RAB33B: variants seen among roughly 807,000 people sequenced by gnomAD.
The protein encoded by RAB33B is RAB33B, member RAS oncogene family, also known as ras-related protein Rab-33B.
RAB33B carries 6 observed loss-of-function variants against 15.0 expected under a neutral mutation model. The ratio of observed to expected loss-of-function variants is 0.40; its 90% confidence interval spans 0.22 to 0.79. RAB33B has a LOEUF of 0.79. Among genes scored for constraint, RAB33B ranks in the 30% least tolerant of loss-of-function variants. RAB33B has a pLI of 0.37. For missense variants in RAB33B, 257 were observed against 296.4 expected, an observed-to-expected ratio of 0.87 and a Z score of 0.98; for synonymous variants, 117 against 108.3, an observed-to-expected ratio of 1.08 and a Z score of -0.50.
Position 139,476,271 on chromosome 4 carries a change from GAA to G in RAB33B, c.*3148_*3149del, listed in dbSNP as rs1750500214. 1 of 152,200 alleles carries G rather than the reference GAA, an allele frequency of 6.6e-6. No individual in the cohort carries two copies. Among genetic ancestry groups the G allele is most frequent in the Non-Finnish European group, 1.5e-5 (1 of 68,052 alleles). 9.4% of individuals were successfully genotyped at this position (152,200 alleles called of 1,614,324 possible). The stretch of plus-strand genomic sequence containing the variant: ...GAATGAATAACTATAGAAAGTATGA[GAA>G]AAGAGAACGAACTACGTCTCAGGTA... On this transcript the variant is annotated 3_prime_UTR_variant, in exon 2 of 2. Transcript: ENST00000305626.
At position 139,472,734 on chromosome 4, in the gene RAB33B, G is replaced by GTGA; in HGVS notation, c.299_300insGAT (p.Val100_Gln101insIle). 1 of 1,613,164 alleles carries GTGA rather than the reference G, an allele frequency of 6.2e-7. No individual in the cohort carries two copies. Among genetic ancestry groups the GTGA allele is most frequent in the East Asian group, 2.2e-5 (1 of 44,852 alleles). The stretch of plus-strand genomic sequence containing the variant: ...ACAAGAACGATTCAGAAAGAGCATG[G>GTGA]TTCAGCACTACTACAGAAATGTACA... On this transcript the variant is annotated inframe_insertion, in exon 2 of 2. Transcript: ENST00000305626.
intron 1 of RAB33B, among the ~76,000 whole-genome samples, chr4:139,460,274 A>G (rs1369056499): frequency 6.6e-6 from 1 of 152,236 alleles, no homozygotes; most frequent in African/African-American, 2.4e-5. Flanking sequence ...TCAAATGGAA[A>G]TACTGATTGG....
Position 139,473,174 on chromosome 4 carries a change from T to G in RAB33B, c.*48T>G. ...CTAATTTTGACTAAAGAAATACTTT[T>G]GAAGTATGACAGTATTAAGTCATAA... On this transcript the variant is annotated 3_prime_UTR_variant, in exon 2 of 2. Coordinates refer to ENST00000305626, the MANE Select transcript of RAB33B (RefSeq NM_031296.3). 6.9e-7 allele frequency: 1 copy of G among 1,457,554 alleles called. No homozygotes were observed. The highest frequency in any genetic ancestry group is 2.4e-5 in the East Asian group (1 of 41,768). The allele number at this position is 1,457,554 out of a possible 1,614,324, so 90.3% of individuals were successfully genotyped here.
chr4:139,459,096 ATGGGGT>A (rs1750121225), intron 1 of RAB33B, among the ~76,000 whole-genome samples: 1 of 149,298 alleles, frequency 6.7e-6, no homozygotes. Context: ...CCTCTTCTTA[ATGGGGT>A]TGTTTCTATT....
At chr4:139,440,758 AT>A in the RAB33B span, among the ~76,000 whole-genome samples, 7 of 152,110 alleles carry the variant, frequency 4.6e-5, no homozygotes, top group East Asian at 1.4e-3. Context: ...GACTACAGGC[AT>A]TCACCACCAC....
chr4:139,461,320 A>C (rs1750167444), intron 1 of RAB33B, among the ~76,000 whole-genome samples: 1 of 152,190 alleles, frequency 6.6e-6, no homozygotes, highest in Non-Finnish European at 1.5e-5. Context: ...AATAGAAGGG[A>C]GAATGAGGGT....
chr4:139,460,507 A>G (rs749724114), intron 1 of RAB33B, among the ~76,000 whole-genome samples: 101 of 152,306 alleles, frequency 6.6e-4, no homozygotes, highest in Non-Finnish European at 1.0e-3. Context: ...ATCTTCATTA[A>G]AAGTAAATTA....
rs1252867216 is a variant in RAB33B, at chr4:139,473,840, A to AT, written c.*715dup. 3 of 151,692 alleles carry AT rather than the reference A, an allele frequency of 2.0e-5. No homozygotes were observed. The highest frequency in any genetic ancestry group is 2.0e-4 in the Admixed American group (3 of 15,246). The allele number at this position is 151,692 out of a possible 1,614,324, so 9.4% of individuals were successfully genotyped here. A position where few individuals can be genotyped will look rare whatever the true frequency, so the allele number is the denominator to read the frequency against. On this transcript the variant is annotated 3_prime_UTR_variant, in exon 2 of 2. Coordinates refer to ENST00000305626, the MANE Select transcript of RAB33B (RefSeq NM_031296.3). ...TTCTAGATGTTTGATTTTCTAATTAATACTTATCAGATCTACAAAAATCAT... is the reference window on the plus strand; with the variant it reads ...TTCTAGATGTTTGATTTTCTAATTAATTACTTATCAGATCTACAAAAATCAT...
rs1750479246 is a variant in RAB33B, at chr4:139,475,225, ACAT to A, written c.*2100_*2102del. The A allele has an allele frequency of 6.6e-6, 1 of 152,098 alleles. No individual in the cohort carries two copies. The highest frequency in any genetic ancestry group is 6.5e-5 in the Admixed American group (1 of 15,280). The allele number at this position is 152,098 out of a possible 1,614,324, so 9.4% of individuals were successfully genotyped here. A position where few individuals can be genotyped will look rare whatever the true frequency, so the allele number is the denominator to read the frequency against. ...TGTAGTAACTATGATGGGTGTAACA[ACAT>A]TTTTTTAAAGAAGGGAATCTGTTTA... On this transcript the variant is annotated 3_prime_UTR_variant, in exon 2 of 2. Transcript: ENST00000305626.
chr4:139,462,621 A>G (rs776578317), intron 1 of RAB33B, among the ~76,000 whole-genome samples: 24 of 152,228 alleles, frequency 1.6e-4, no homozygotes, highest in Non-Finnish European at 2.8e-4. Flanking sequence ...TATTAGTGAC[A>G]TCTCAAGAGA....
chr4:139,460,480 A>C (rs1423954676), intron 1 of RAB33B, among the ~76,000 whole-genome samples: 3 of 152,202 alleles, frequency 2.0e-5, no homozygotes, highest in Non-Finnish European at 4.4e-5. Flanking sequence ...TGGGTTACTA[A>C]TTATTGTTCT....
the RAB33B span, among the ~76,000 whole-genome samples, chr4:139,438,681 CA>C: frequency 3.9e-5 from 6 of 152,098 alleles, no homozygotes; most frequent in African/African-American, 1.4e-4. Context: ...GTTTTCCCAA[CA>C]AAAGCAAAGT....
intron 1 of RAB33B, among the ~76,000 whole-genome samples, chr4:139,470,975 C>A (rs998616595): frequency 3.3e-5 from 5 of 152,012 alleles, no homozygotes; most frequent in Non-Finnish European, 4.4e-5. Context: ...GGGAAGTGGT[C>A]TTTTTTGGAG....
intron 1 of RAB33B, among the ~76,000 whole-genome samples, chr4:139,457,115 A>G (rs1750084274): frequency 1.3e-5 from 2 of 152,210 alleles, no homozygotes; most frequent in African/African-American, 2.4e-5. Flanking sequence ...TGGACTAGAA[A>G]ATTTTCAGAA....
intron 1 of RAB33B, among the ~76,000 whole-genome samples, chr4:139,456,235 A>T (rs1440002251): frequency 6.6e-6 from 1 of 150,586 alleles, no homozygotes; most frequent in Admixed American, 6.6e-5. Context: ...AAGCAGAGAT[A>T]GTGGAGGGCA....
At chr4:139,470,874 T>A (rs925544871) in intron 1 of RAB33B, among the ~76,000 whole-genome samples, 5 of 152,108 alleles carry the variant, frequency 3.3e-5, no homozygotes, top group African/African-American at 1.2e-4. Context: ...CTGACCAGTG[T>A]CCTATCCTGC....
Position 139,473,854 on chromosome 4 carries a change from T to C in RAB33B, c.*728T>C, listed in dbSNP as rs1475203073. 3 of 151,742 alleles carry C rather than the reference T, an allele frequency of 2.0e-5. No individual in the cohort carries two copies. Among genetic ancestry groups the C allele is most frequent in the Non-Finnish European group, 2.9e-5 (2 of 67,934 alleles). The allele number at this position is 151,742 out of a possible 1,614,324, so 9.4% of individuals were successfully genotyped here. A position where few individuals can be genotyped will look rare whatever the true frequency, so the allele number is the denominator to read the frequency against. On this transcript the variant is annotated 3_prime_UTR_variant, in exon 2 of 2. Coordinates refer to ENST00000305626, the MANE Select transcript of RAB33B (RefSeq NM_031296.3). ...TTTTCTAATTAATACTTATCAGATC[T>C]ACAAAAATCATTATTATTTTAAAAG...
chr4:139,445,713 C>G, the RAB33B span, among the ~76,000 whole-genome samples: 3 of 152,168 alleles, frequency 2.0e-5, no homozygotes, highest in Non-Finnish European at 4.4e-5. Flanking sequence ...CAGGAGAAGG[C>G]TCTACAACAT....
At chr4:139,461,614 GA>G (rs1175084405) in intron 1 of RAB33B, among the ~76,000 whole-genome samples, 1 of 151,564 alleles carries the variant, frequency 6.6e-6, no homozygotes, top group Non-Finnish European at 1.5e-5. Flanking sequence ...TGGTAGTGGG[GA>G]AAAAAAACAG....
Sources: allele counts gnomAD v4.1 joint callset (sites outside exome capture counted in the v4.1 genomes callset), GRCh38; gene constraint gnomAD v4.1.1; transcripts MANE v1.5; gene names NCBI Gene and HGNC (gene_info 2026-07-23, HGNC 2026-07-21).